CADPS2: variants seen among roughly 807,000 people sequenced by gnomAD.
CADPS2 encodes calcium dependent secretion activator 2.
Under a neutral mutation model 172.5 loss-of-function variants are expected in CADPS2, and 93 were observed. The ratio of observed to expected loss-of-function variants is 0.54; its 90% CI spans 0.46 to 0.64. CADPS2 has a LOEUF of 0.64. Ranked by LOEUF, CADPS2 falls within the 30% of genes least tolerant of loss-of-function variation. The pLI, the probability that CADPS2 is intolerant of heterozygous loss-of-function variation, is 0.00. For missense variants in CADPS2, 1,420 were observed against 1,565.9 expected (o/e 0.91, Z 1.57); for synonymous variants, 546 against 555.2 (o/e 0.98, Z 0.23).
At chr7:122,739,274 T>C (rs1410378683) in intron 1 of CADPS2, among the ~76,000 whole-genome samples, 3 of 152,208 alleles carry the variant, frequency 2.0e-5, no homozygotes, top group East Asian at 3.9e-4. Flanking sequence ...TACTGATCAC[T>C]TGTGCCAACT....
chr7:122,480,789 C>G (rs1027145853), intron 12 of CADPS2, 63 bp downstream of exon 12: 6 of 1,138,858 alleles, frequency 5.3e-6, no homozygotes, highest in Non-Finnish European at 7.5e-6. Context: ...TGATATTCCT[C>G]AAACATAGTA....
chr7:122,773,320 T>C (rs2093762357), intron 1 of CADPS2, among the ~76,000 whole-genome samples: 1 of 151,950 alleles, frequency 6.6e-6, no homozygotes, highest in African/African-American at 2.4e-5. Flanking sequence ...ACTACTTAAA[T>C]CAGTAACTCC....
At chr7:122,679,408 AC>A (rs925677626) in intron 2 of CADPS2, among the ~76,000 whole-genome samples, 2 of 151,996 alleles carry the variant, frequency 1.3e-5, no homozygotes, top group African/African-American at 4.8e-5. Flanking sequence ...TTCTAGTCAG[AC>A]CGGTTCTCTG....
chr7:122,655,854 T>C (rs1464566540), intron 3 of CADPS2, among the ~76,000 whole-genome samples: 2 of 152,296 alleles, frequency 1.3e-5, no homozygotes, highest in Admixed American at 1.3e-4. Flanking sequence ...CTCAAGCTTT[T>C]CTTTCAAATC....
chr7:122,431,948 CAAA>C lies in CADPS2; in HGVS notation c.2476+6390_2476+6392del, dbSNP rs567490070. 1.1e-4 allele frequency among the ~76,000 whole-genome samples: 17 copies of C among 151,940 alleles called. No homozygotes were observed. The East Asian group carries it at 3.1e-3, about 28-fold the overall frequency. On this transcript the variant is annotated intron_variant, in intron 17 of 29. Transcript: ENST00000449022. The stretch of plus-strand genomic sequence containing the variant: ...GCGGGGGTGGGGGTGGGGAGGGAAA[CAAA>C]GAAGTAAATTAGTTGATACATCACA...
chr7:122,648,103 C>A (rs1318495353), intron 3 of CADPS2, among the ~76,000 whole-genome samples: 4 of 152,118 alleles, frequency 2.6e-5, no homozygotes, highest in Non-Finnish European at 5.9e-5. Flanking sequence ...ACTTGGTAAG[C>A]AGGTGGCATA....
At chr7:122,829,163 C>T (rs1033638703) in intron 1 of CADPS2, among the ~76,000 whole-genome samples, 1 of 152,166 alleles carries the variant, frequency 6.6e-6, no homozygotes, top group Admixed American at 6.5e-5. Context: ...AGGGTGTGCT[C>T]AGCCTGAGGT....
chr7:122,347,370 G>T (rs1339291324), intron 27 of CADPS2, among the ~76,000 whole-genome samples: 1 of 152,052 alleles, frequency 6.6e-6, no homozygotes, highest in Non-Finnish European at 1.5e-5. Context: ...CAGTGAGCAT[G>T]TCTTACTTAT....
At chr7:122,644,919 C>T (rs549631936) in intron 3 of CADPS2, among the ~76,000 whole-genome samples, 60 of 152,142 alleles carry the variant, frequency 3.9e-4, no homozygotes, top group African/African-American at 1.4e-3. Flanking sequence ...AAATCTGACT[C>T]ACAAATAGCA....
intron 27 of CADPS2, among the ~76,000 whole-genome samples, chr7:122,355,116 G>C (rs1385075275): frequency 6.6e-6 from 1 of 152,016 alleles, no homozygotes; most frequent in Non-Finnish European, 1.5e-5. Flanking sequence ...ATATTTAAAT[G>C]GTTTGATTTG....
At chr7:122,657,054 A>G (rs2079888079) in intron 3 of CADPS2, among the ~76,000 whole-genome samples, 1 of 152,166 alleles carries the variant, frequency 6.6e-6, no homozygotes, top group African/African-American at 2.4e-5. Context: ...AGCACCATTT[A>G]TTAAATAGGG....
At chr7:122,452,376 A>G (rs2053236087) in intron 14 of CADPS2, among the ~76,000 whole-genome samples, 1 of 152,150 alleles carries the variant, frequency 6.6e-6, no homozygotes, top group South Asian at 2.1e-4. Flanking sequence ...AACAAGAATC[A>G]TTTCCTACCT....
chr7:122,356,192 G>A (rs2039381749), intron 27 of CADPS2, among the ~76,000 whole-genome samples: 1 of 152,006 alleles, frequency 6.6e-6, no homozygotes, highest in Non-Finnish European at 1.5e-5. Flanking sequence ...TGGTCTCCTT[G>A]GACTCCTCTT....
chr7:122,736,350 A>C (rs980822085), intron 2 of CADPS2, among the ~76,000 whole-genome samples: 23 of 152,176 alleles, frequency 1.5e-4, no homozygotes, highest in Admixed American at 2.6e-4. Flanking sequence ...ATGACTCTGA[A>C]TTGCTTATGC....
At chr7:122,873,687 A>G (rs138427287) in intron 1 of CADPS2, among the ~76,000 whole-genome samples, 157 of 152,228 alleles carry the variant, frequency 1.0e-3, no homozygotes, top group African/African-American at 3.6e-3. Flanking sequence ...TATATACCCA[A>G]TAATGAGATT....
intron 1 of CADPS2, among the ~76,000 whole-genome samples, chr7:122,796,835 A>G (rs995789634): frequency 2.6e-5 from 4 of 152,196 alleles, no homozygotes; most frequent in African/African-American, 9.7e-5. Context: ...AAGACACCAA[A>G]AGCAATCGCA....
At chr7:122,619,897 G>T (rs1395951928) in intron 5 of CADPS2, among the ~76,000 whole-genome samples, 1 of 152,154 alleles carries the variant, frequency 6.6e-6, no homozygotes, top group Non-Finnish European at 1.5e-5. Flanking sequence ...GGTAAGCCCA[G>T]AATTGAATCT....
intron 1 of CADPS2, among the ~76,000 whole-genome samples, chr7:122,795,604 A>G (rs1170941316): frequency 6.6e-6 from 1 of 152,180 alleles, no homozygotes; most frequent in Non-Finnish European, 1.5e-5. Context: ...AGAACTAAAG[A>G]CAAAAACCAC....
At chr7:122,351,372 C>CAAAAAA (rs398048049) in intron 27 of CADPS2, among the ~76,000 whole-genome samples, 318 of 28,924 alleles carry the variant, frequency 0.011, 61 homozygotes, top group African/African-American at 0.015. Context: ...GACTCCGTCT[C>CAAAAAA]AAAAAAAAAA....
Sources: gnomAD v4.1 joint callset for allele counts (sites outside exome capture counted in the v4.1 genomes callset) on GRCh38, gnomAD v4.1.1 for gene constraint, MANE v1.5 for transcripts, NCBI Gene and HGNC (gene_info 2026-07-23, HGNC 2026-07-21) for gene names.